G2E3: variants seen among roughly 807,000 people sequenced by gnomAD.
G2E3 encodes the protein G2/M-phase specific E3 ubiquitin protein ligase, also known as G2/M phase-specific E3 ubiquitin-protein ligase.
A neutral mutation model predicts 92.8 loss-of-function variants in G2E3; 35 were observed. The observed-to-expected ratio is 0.38, with a 90% confidence interval of 0.29 to 0.50. The LOEUF is 0.50. Among genes scored for constraint, G2E3 ranks in the 20% least tolerant of loss-of-function variants. The pLI is 0.94. For synonymous variants in G2E3, 242 were observed against 272.4 expected (o/e 0.89, Z 1.10); for missense variants, 554 against 823.8 (o/e 0.67, Z 4.01).
At chr14:30,597,373 T>A (rs750129037) in intron 6 of G2E3, 47 bp from the exon 7 acceptor site, 29 of 912,070 alleles carry the variant, frequency 3.2e-5, no homozygotes. Context: ...TATCACCTGA[T>A]AACAGATTTA....
chr14:30,578,640 A>G (rs1342552178), intron 1 of G2E3, among the ~76,000 whole-genome samples: 1 of 152,190 alleles, frequency 6.6e-6, no homozygotes, highest in East Asian at 1.9e-4. Flanking sequence ...GAATGACTAA[A>G]ACATCCTTTA....
intron 2 of G2E3, among the ~76,000 whole-genome samples, chr14:30,586,140 G>A (rs1475943772): frequency 6.6e-6 from 1 of 152,190 alleles, no homozygotes; most frequent in Non-Finnish European, 1.5e-5. Context: ...GTGAAAGAAA[G>A]GCAAGCATCT....
chr14:30,608,480 T>C (rs940311220), intron 12 of G2E3, among the ~76,000 whole-genome samples: 7 of 152,218 alleles, frequency 4.6e-5, no homozygotes, highest in Admixed American at 3.9e-4. Context: ...CCAGTTAGAA[T>C]ACTTTTCCTT....
At chr14:30,613,090 CTTTAG>C (rs1461687925) in intron 13 of G2E3, among the ~76,000 whole-genome samples, 3 of 151,980 alleles carry the variant, frequency 2.0e-5, no homozygotes, top group African/African-American at 7.2e-5. Context: ...TCCTGCTGTC[CTTTAG>C]TTTAGAACAC....
intron 8 of G2E3, among the ~76,000 whole-genome samples, chr14:30,599,758 T>C (rs536080371): frequency 6.6e-6 from 1 of 152,002 alleles, no homozygotes; most frequent in African/African-American, 2.4e-5. Flanking sequence ...AATAAAAATA[T>C]ATGTTATTTA....
At chr14:30,597,309 GA>G in intron 6 of G2E3, 110 bp from the exon 7 acceptor site, 1 of 694,914 alleles carries the variant, frequency 1.4e-6, no homozygotes, top group Non-Finnish European at 2.6e-6. Context: ...CACTAGCATA[GA>G]AAATGTTTTC....
In G2E3 at chr14:30,617,015, A is replaced by G. The variant is rs1882344230; in HGVS notation, c.*481A>G. On this transcript the variant is annotated 3_prime_UTR_variant, in exon 15 of 15. Coordinates refer to ENST00000206595, the MANE Select transcript of G2E3 (RefSeq NM_017769.5). ...ATAAATCAGAGTCATATATTCTGGG[A>G]TTTGTGTTACTATGCATACTTTTCT... 6.6e-6 allele frequency: 1 copy of G among 152,596 alleles called. No homozygotes were observed. The highest frequency in any genetic ancestry group is 1.5e-5 in the Non-Finnish European group (1 of 68,376). The allele number at this position is 152,596 out of a possible 1,614,324, so 9.5% of individuals were successfully genotyped here.
chr14:30,587,196 G>C (rs1295359435), intron 3 of G2E3, among the ~76,000 whole-genome samples: 1 of 152,122 alleles, frequency 6.6e-6, no homozygotes, highest in African/African-American at 2.4e-5. Flanking sequence ...TGGAATAAAA[G>C]TATTTTATTT....
intron 1 of G2E3, among the ~76,000 whole-genome samples, chr14:30,566,551 G>C (rs929734631): frequency 6.6e-6 from 1 of 152,114 alleles, no homozygotes; most frequent in African/African-American, 2.4e-5. Flanking sequence ...TTGTTATATA[G>C]AAATACAACT....
intron 10 of G2E3, 25 bp from the exon 11 acceptor site, chr14:30,605,480 C>G (rs1250108351): frequency 7.5e-6 from 7 of 938,830 alleles, no homozygotes; most frequent in Non-Finnish European, 1.1e-5. Flanking sequence ...GTACTTATCT[C>G]TATATTTAAA....
intron 4 of G2E3, chr14:30,590,896 A>G (rs953276127): frequency 1.7e-5 from 5 of 289,404 alleles, no homozygotes; most frequent in African/African-American, 9.0e-5. Flanking sequence ...TGGAACCAGA[A>G]TTTTAGATTT....
Position 30,564,463 on chromosome 14 carries a change from G to A in G2E3, c.-5+5191G>A, listed in dbSNP as rs556627089. On this transcript the variant is annotated intron_variant, in intron 1 of 14. Transcript: ENST00000206595. ...TCCTCCCACCTCAGCTTCCCAGGCAGCTAGGACTACAGGCATTTGCCACCA... is the reference window on the plus strand; with the variant it reads ...TCCTCCCACCTCAGCTTCCCAGGCAACTAGGACTACAGGCATTTGCCACCA... Among the ~76,000 whole-genome samples the A allele has an allele frequency of 4.6e-5, 7 of 152,240 alleles. No individual in the cohort carries two copies. In the South Asian group the frequency reaches 1.5e-3, roughly 32 times the overall value.
chr14:30,577,863 ACT>A (rs1173784727), intron 1 of G2E3: 1 of 152,178 alleles, frequency 6.6e-6, no homozygotes, highest in Non-Finnish European at 1.5e-5. Context: ...AGTGGAGGAC[ACT>A]CAGAATACCT....
At chr14:30,589,811 GC>G (rs1354413375) in intron 4 of G2E3, among the ~76,000 whole-genome samples, 4 of 152,012 alleles carry the variant, frequency 2.6e-5, no homozygotes, top group Admixed American at 1.3e-4. Context: ...ACTCCACTCT[GC>G]TGTTCTCTAA....
intron 1 of G2E3, among the ~76,000 whole-genome samples, chr14:30,580,687 GC>G (rs1880383052): frequency 1.3e-5 from 2 of 152,142 alleles, no homozygotes; most frequent in African/African-American, 4.8e-5. Flanking sequence ...TGTAAAATGG[GC>G]TTAGGTTCTA....
intron 10 of G2E3, among the ~76,000 whole-genome samples, chr14:30,605,077 G>A (rs535807569): frequency 6.6e-5 from 10 of 152,264 alleles, no homozygotes; most frequent in African/African-American, 2.4e-4. Flanking sequence ...TGTATTTTCA[G>A]TAGAGACAGG....
At chr14:30,563,228 G>A (rs938964060) in intron 1 of G2E3, among the ~76,000 whole-genome samples, 1 of 151,740 alleles carries the variant, frequency 6.6e-6, no homozygotes, top group African/African-American at 2.4e-5. Flanking sequence ...AAAATGTTAG[G>A]GAATTAAAAA....
intron 10 of G2E3, among the ~76,000 whole-genome samples, chr14:30,604,155 G>A (rs1177522778): frequency 1.3e-5 from 2 of 152,172 alleles, no homozygotes; most frequent in South Asian, 4.1e-4. Context: ...TAGAAGAATA[G>A]CATCAGCATT....
At chr14:30,593,107 A>G (rs1881100207) in intron 5 of G2E3, among the ~76,000 whole-genome samples, 1 of 152,160 alleles carries the variant, frequency 6.6e-6, no homozygotes, top group Non-Finnish European at 1.5e-5. Flanking sequence ...ACTATTTTTT[A>G]GGCGTAAGTT....
Sources: allele counts gnomAD v4.1 joint callset (sites outside exome capture counted in the v4.1 genomes callset), GRCh38; gene constraint gnomAD v4.1.1; transcripts MANE v1.5; gene names NCBI Gene and HGNC (gene_info 2026-07-23, HGNC 2026-07-21).